Variants in USP10 observed in about 807,000 individuals in gnomAD.
The protein encoded by USP10 is ubiquitin carboxyl-terminal hydrolase 10.
Under a neutral mutation model 84.5 loss-of-function variants are expected in USP10, and 22 were observed. The ratio of observed to expected loss-of-function variants is 0.26; its 90% CI spans 0.19 to 0.37. USP10 has a LOEUF of 0.37. Ranked by LOEUF, USP10 falls within the 10% of genes least tolerant of loss-of-function variation. The pLI is 1.00. For missense variants in USP10, 1,019 were observed against 998.9 expected (o/e 1.02, Z -0.27); for synonymous variants, 454 against 387.6 (o/e 1.17, Z -2.01).
intron 8 of USP10, among the ~76,000 whole-genome samples, chr16:84,761,728 T>C (rs975830176): frequency 1.3e-5 from 2 of 152,278 alleles, no homozygotes; most frequent in South Asian, 2.1e-4. Context: ...AGAAAGCACA[T>C]TGCTTGCGCA....
intron 9 of USP10, 103 bp from the exon 10 acceptor site, chr16:84,763,983 A>C (rs1325443586): frequency 2.8e-6 from 4 of 1,405,042 alleles, no homozygotes; most frequent in Non-Finnish European, 3.8e-6. Context: ...TGTAGACCAC[A>C]CCCTGATTTC....
At chr16:84,715,052 C>T (rs1419796415) in intron 1 of USP10, among the ~76,000 whole-genome samples, 1 of 151,890 alleles carries the variant, frequency 6.6e-6, no homozygotes. Context: ...CCTCAGCCTC[C>T]TGAGTAGCTG....
At chr16:84,762,903 TG>T (rs1913374080) in intron 8 of USP10, 85 bp from the exon 9 acceptor site, 2 of 702,696 alleles carry the variant, frequency 2.8e-6, no homozygotes, top group Admixed American at 2.4e-5. Context: ...AGAGGAGGCA[TG>T]GTTGGACTTT....
intron 1 of USP10, among the ~76,000 whole-genome samples, chr16:84,712,075 G>A (rs1380876316): frequency 1.3e-5 from 2 of 152,134 alleles, no homozygotes; most frequent in African/African-American, 4.8e-5. Context: ...CGTTGCCCTT[G>A]CTGCTTTTGG....
intron 11 of USP10, among the ~76,000 whole-genome samples, chr16:84,772,167 T>C (rs1314733196): frequency 6.6e-6 from 1 of 152,158 alleles, no homozygotes; most frequent in Non-Finnish European, 1.5e-5. Flanking sequence ...TTCTCTTGCC[T>C]CTGCCACCCA....
chr16:84,728,887 C>A (rs1908857533), intron 1 of USP10, among the ~76,000 whole-genome samples: 1 of 152,146 alleles, frequency 6.6e-6, no homozygotes. Flanking sequence ...CAGCCTCCGC[C>A]TTCCAGGTTC....
At chr16:84,762,352 T>C (rs576249818) in intron 8 of USP10, among the ~76,000 whole-genome samples, 1 of 152,366 alleles carries the variant, frequency 6.6e-6, no homozygotes, top group Non-Finnish European at 1.5e-5. Flanking sequence ...TCTTCTATTT[T>C]GTTTACCCAA....
intron 13 of USP10, 89 bp downstream of exon 13, chr16:84,775,314 G>A (rs1260958172): frequency 1.6e-6 from 2 of 1,286,634 alleles, no homozygotes; most frequent in African/African-American, 1.4e-5. Context: ...ACTTAGCATA[G>A]CGACCAGATG....
intron 1 of USP10, among the ~76,000 whole-genome samples, chr16:84,700,312 C>T (rs548989990): frequency 6.6e-6 from 1 of 151,428 alleles, no homozygotes; most frequent in African/African-American, 2.4e-5. Flanking sequence ...CCACCCGGAC[C>T]CCCTAGTCCC....
intron 1 of USP10, among the ~76,000 whole-genome samples, chr16:84,703,081 A>G (rs1050236936): frequency 1.2e-4 from 18 of 152,020 alleles, no homozygotes; most frequent in African/African-American, 4.1e-4. Flanking sequence ...CAAATATTAG[A>G]AAGTGTTGGT....
intron 2 of USP10, among the ~76,000 whole-genome samples, chr16:84,736,434 C>T (rs1047027300): frequency 6.6e-6 from 1 of 152,160 alleles, no homozygotes; most frequent in Non-Finnish European, 1.5e-5. Flanking sequence ...GATAAGGTGG[C>T]TAGTAATTTA....
At chr16:84,778,105 G>GTT (rs1193557305) in intron 13 of USP10, among the ~76,000 whole-genome samples, 3 of 151,874 alleles carry the variant, frequency 2.0e-5, no homozygotes, top group Admixed American at 2.0e-4. Context: ...GTGTGTGTGT[G>GTT]TGTGTGTGTG....
intron 1 of USP10, among the ~76,000 whole-genome samples, chr16:84,721,330 A>G (rs1327499168): frequency 6.6e-6 from 1 of 152,240 alleles, no homozygotes; most frequent in Non-Finnish European, 1.5e-5. Flanking sequence ...ATGAGAGATT[A>G]ACAAATAGAG....
intron 1 of USP10, among the ~76,000 whole-genome samples, chr16:84,718,608 TAGCCCAGACA>T (rs1907365194): frequency 6.6e-6 from 1 of 151,642 alleles, no homozygotes; most frequent in African/African-American, 2.4e-5. Context: ...ATACAAAAAT[TAGCCCAGACA>T]TCGTGGCACA....
intron 1 of USP10, among the ~76,000 whole-genome samples, chr16:84,711,751 G>T (rs1597275762): frequency 7.2e-6 from 1 of 138,674 alleles, no homozygotes. Context: ...TGTCTGAGAT[G>T]GAGTCTTGTT....
chr16:84,774,353 C>G (rs766658586), intron 12 of USP10, among the ~76,000 whole-genome samples: 1 of 152,144 alleles, frequency 6.6e-6, no homozygotes, highest in Non-Finnish European at 1.5e-5. Context: ...ACTCTTGTGT[C>G]GGTGTAAGTG....
At chr16:84,719,209 C>G (rs552793931) in intron 1 of USP10, among the ~76,000 whole-genome samples, 52 of 152,276 alleles carry the variant, frequency 3.4e-4, no homozygotes, top group South Asian at 1.9e-3. Flanking sequence ...TGTTCATCAA[C>G]TTTATATAGT....
rs1294442893 is a variant in USP10 at position 84,751,236 on chromosome 16, C to G, written c.1192+5563C>G. ...TGGCCCAGGTGTGTAGTTGGCTATA[C>G]CATCTAGGCATGTGATCCCACAATG... On this transcript the variant is annotated intron_variant, in intron 4 of 13. Coordinates refer to ENST00000219473, the MANE Select transcript of USP10 (RefSeq NM_005153.3). Among the ~76,000 whole-genome samples, 3 of 152,202 alleles carry G rather than the reference C, an allele frequency of 2.0e-5. No homozygotes were observed. In the South Asian group the frequency reaches 6.2e-4, roughly 32 times the overall value.
intron 1 of USP10, among the ~76,000 whole-genome samples, chr16:84,731,315 G>T (rs891705717): frequency 8.6e-5 from 13 of 151,390 alleles, no homozygotes; most frequent in African/African-American, 2.9e-4. Flanking sequence ...TCGTTGCAGA[G>T]CAGGGCTACG....
Sources: gnomAD v4.1 joint callset for allele counts (sites outside exome capture counted in the v4.1 genomes callset) on GRCh38, gnomAD v4.1.1 for gene constraint, MANE v1.5 for transcripts, NCBI Gene and HGNC (gene_info 2026-07-23, HGNC 2026-07-21) for gene names.